SFMBT1: variants seen among roughly 807,000 people sequenced by gnomAD.
SFMBT1 encodes Scm like with four mbt domains 1, also known as scm-like with four MBT domains protein 1.
A neutral mutation model predicts 108.7 loss-of-function variants in SFMBT1; 32 were observed. The ratio of observed to expected loss-of-function variants is 0.29; its 90% CI spans 0.22 to 0.40. SFMBT1 has a LOEUF of 0.40. Among genes scored for constraint, SFMBT1 ranks in the 10% least tolerant of loss-of-function variants. SFMBT1 has a pLI of 1.00. For synonymous variants in SFMBT1, 348 were observed against 369.5 expected, an observed-to-expected ratio of 0.94 and a Z score of 0.67; for missense variants, 816 against 1,059.6, an observed-to-expected ratio of 0.77 and a Z score of 3.19.
At chr3:52,921,617 ATTAAGT>A (rs1702521703) in intron 11 of SFMBT1, 82 bp downstream of exon 11, 1 of 1,408,438 alleles carries the variant, frequency 7.1e-7, no homozygotes, top group African/African-American at 1.4e-5. Flanking sequence ...TAACTAATCC[ATTAAGT>A]TTAACAGGCA....
chr3:52,934,258 C>T (rs1400011108), intron 5 of SFMBT1, among the ~76,000 whole-genome samples: 1 of 152,014 alleles, frequency 6.6e-6, no homozygotes, highest in Non-Finnish European at 1.5e-5. Context: ...ATAATTTTAC[C>T]AGTATGACAG....
intron 16 of SFMBT1, 52 bp downstream of exon 16, chr3:52,912,486 G>T: frequency 1.3e-6 from 2 of 1,510,616 alleles, no homozygotes; most frequent in South Asian, 1.1e-5. Context: ...CCGATTCTGT[G>T]ACTTTTTAAA....
chr3:53,001,920 GTCTC>G (rs780876209), intron 1 of SFMBT1, among the ~76,000 whole-genome samples: 6 of 61,734 alleles, frequency 9.7e-5, no homozygotes, highest in African/African-American at 3.0e-4. Context: ...GCAAGACCCA[GTCTC>G]TCACACACAC....
intron 4 of SFMBT1, among the ~76,000 whole-genome samples, chr3:52,936,211 T>C (rs1703004831): frequency 6.6e-6 from 1 of 152,228 alleles, no homozygotes; most frequent in Admixed American, 6.5e-5. Context: ...AATTGTATTA[T>C]TCCTTCTTCA....
intron 1 of SFMBT1, among the ~76,000 whole-genome samples, chr3:53,033,199 C>T (rs1326218022): frequency 2.6e-5 from 4 of 151,070 alleles, no homozygotes; most frequent in South Asian, 2.1e-4. Flanking sequence ...CTTGCTCTGT[C>T]GCCCAGGCTG....
intron 4 of SFMBT1, among the ~76,000 whole-genome samples, chr3:52,935,790 A>C (rs1461377334): frequency 3.3e-5 from 5 of 152,100 alleles, no homozygotes; most frequent in Non-Finnish European, 7.4e-5. Flanking sequence ...ACGCATTGCA[A>C]ATGTCTCCTT....
chr3:52,971,070 G>C (rs1007477441), intron 1 of SFMBT1, among the ~76,000 whole-genome samples: 9 of 152,090 alleles, frequency 5.9e-5, no homozygotes, highest in African/African-American at 2.2e-4. Context: ...AGGAGGCTGA[G>C]GGTAAGGCTG....
At chr3:52,950,508 T>A (rs1441102186) in intron 3 of SFMBT1, among the ~76,000 whole-genome samples, 1 of 152,130 alleles carries the variant, frequency 6.6e-6, no homozygotes, top group Admixed American at 6.5e-5. Context: ...GGAGTCTCGC[T>A]CTGTTGCCCA....
At chr3:53,045,616 CCCGCCCCCGCCCCCAACGTG>C (rs1329556320) in intron 1 of SFMBT1, among the ~76,000 whole-genome samples, 180 bp downstream of exon 1, 3 of 140,340 alleles carry the variant, frequency 2.1e-5, no homozygotes, top group Non-Finnish European at 4.7e-5. Flanking sequence ...CTCCCCCCGC[CCCGCCCCCGCCCCCAACGTG>C]CCGCCGCCGC....
At chr3:53,014,471 TTAAAAAAAACAAAACAAAACAAAAC>T (rs1162250948) in intron 1 of SFMBT1, among the ~76,000 whole-genome samples, 3 of 133,964 alleles carry the variant, frequency 2.2e-5, no homozygotes, top group African/African-American at 8.4e-5. Context: ...GACCCTGTAT[TTAAAAAAAACAAAACAAAACAAAAC>T]AAAACAAAAC....
chr3:53,036,552 TAGA>T (rs1355702160), intron 1 of SFMBT1, among the ~76,000 whole-genome samples: 3 of 152,014 alleles, frequency 2.0e-5, no homozygotes, highest in Non-Finnish European at 2.9e-5. Context: ...GTCTTTGGGG[TAGA>T]AGGAGAAATT....
chr3:52,921,156 A>G (rs922632507), intron 11 of SFMBT1, among the ~76,000 whole-genome samples: 7 of 152,234 alleles, frequency 4.6e-5, no homozygotes, highest in African/African-American at 1.7e-4. Flanking sequence ...TTAAATGCCA[A>G]TTCTACAAAT....
intron 13 of SFMBT1, 55 bp from the exon 14 acceptor site, chr3:52,916,269 G>C (rs1702352247): frequency 2.0e-6 from 3 of 1,495,648 alleles, no homozygotes; most frequent in Admixed American, 1.7e-5. Flanking sequence ...TCAGTAAAGT[G>C]TGAGGCTTAG....
At chr3:52,971,856 C>T (rs968614056) in intron 1 of SFMBT1, among the ~76,000 whole-genome samples, 1 of 152,094 alleles carries the variant, frequency 6.6e-6, no homozygotes, top group African/African-American at 2.4e-5. Flanking sequence ...CAAGGCTCTA[C>T]AGTGGGAAGG....
intron 3 of SFMBT1, among the ~76,000 whole-genome samples, chr3:52,953,421 G>A (rs369299008): frequency 3.2e-4 from 47 of 145,550 alleles, no homozygotes; most frequent in African/African-American, 1.2e-3. Context: ...GATGGAGTGA[G>A]ACACTGACCC....
At chr3:52,956,745 A>G (rs1703799079) in intron 2 of SFMBT1, among the ~76,000 whole-genome samples, 1 of 152,216 alleles carries the variant, frequency 6.6e-6, no homozygotes, top group African/African-American at 2.4e-5. Flanking sequence ...TGGGCGACAG[A>G]GCGAGATTCC....
chr3:52,939,454 G>T (rs1703116557), intron 4 of SFMBT1, among the ~76,000 whole-genome samples: 1 of 152,082 alleles, frequency 6.6e-6, no homozygotes. Flanking sequence ...TGTACCTGTA[G>T]TCCCAGCTAC....
intron 3 of SFMBT1, among the ~76,000 whole-genome samples, chr3:52,950,569 G>A (rs1703539416): frequency 6.6e-6 from 1 of 152,098 alleles, no homozygotes; most frequent in South Asian, 2.1e-4. Context: ...CCGCCTCCCA[G>A]ATTCAAGCAA....
At chr3:52,945,649 C>CAA (rs34756116) in intron 3 of SFMBT1, among the ~76,000 whole-genome samples, 37 of 150,666 alleles carry the variant, frequency 2.5e-4, no homozygotes, top group African/African-American at 8.5e-4. Flanking sequence ...ACTAAAAACA[C>CAA]AAAAAAAATT....
Sources: allele counts gnomAD v4.1 joint callset (sites outside exome capture counted in the v4.1 genomes callset), GRCh38; gene constraint gnomAD v4.1.1; transcripts MANE v1.5; gene names NCBI Gene and HGNC (gene_info 2026-07-23, HGNC 2026-07-21).